CABLES1: variants seen among roughly 807,000 people sequenced by gnomAD.
CABLES1 encodes the protein Cdk5 and Abl enzyme substrate 1, also known as CDK5 and ABL1 enzyme substrate 1.
Under a neutral mutation model 57.8 loss-of-function variants are expected in CABLES1, and 36 were observed. The ratio of observed to expected loss-of-function variants is 0.62; its 90% CI spans 0.48 to 0.82. CABLES1 has a LOEUF of 0.82. Ranked by LOEUF, CABLES1 falls within the 40% of genes least tolerant of loss-of-function variation. CABLES1 has a pLI of 0.00. For missense variants in CABLES1, 767 were observed against 836.6 expected, an observed-to-expected ratio of 0.92 and a Z score of 1.03; for synonymous variants, 374 against 363.0, an observed-to-expected ratio of 1.03 and a Z score of -0.35.
intron 1 of CABLES1, among the ~76,000 whole-genome samples, chr18:23,161,754 C>CACAAA (rs2047006379): frequency 3.0e-5 from 1 of 33,156 alleles, no homozygotes; most frequent in African/African-American, 7.5e-5. Context: ...ACTAAAAATC[C>CACAAA]AAAAAAAAAA....
chr18:23,161,945 C>G (rs1261550949), intron 1 of CABLES1, among the ~76,000 whole-genome samples: 1 of 151,104 alleles, frequency 6.6e-6, no homozygotes, highest in African/African-American at 2.4e-5. Context: ...GCGGGTGGAT[C>G]ACCTGAGGTC....
chr18:23,164,001 A>G (rs2047023471), intron 1 of CABLES1, among the ~76,000 whole-genome samples: 1 of 152,192 alleles, frequency 6.6e-6, no homozygotes, highest in Non-Finnish European at 1.5e-5. Flanking sequence ...AGCTTATCAA[A>G]AATCCCAGCA....
chr18:23,256,029 G>A (rs2048156722), intron 9 of CABLES1, among the ~76,000 whole-genome samples: 1 of 152,214 alleles, frequency 6.6e-6, no homozygotes, highest in Non-Finnish European at 1.5e-5. Flanking sequence ...TACATGGGGT[G>A]AGGCCTTCCT....
chr18:23,174,262 C>T lies in CABLES1; in HGVS notation c.846-14576C>T, dbSNP rs536754817. On this transcript the variant is annotated intron_variant, in intron 1 of 9. Transcript: ENST00000256925. ...GGCTTAACATAATGTTTTCAAGGTT[C>T]ATGTTGTAGCATGTATCAGTACTTC... Among the ~76,000 whole-genome samples the T allele has an allele frequency of 9.2e-5, 14 of 152,276 alleles. No homozygotes were observed. The South Asian group carries it at 2.9e-3, about 32-fold the overall frequency.
At chr18:23,175,765 T>C (rs1244748691) in intron 1 of CABLES1, among the ~76,000 whole-genome samples, 1 of 152,210 alleles carries the variant, frequency 6.6e-6, no homozygotes, top group Non-Finnish European at 1.5e-5. Flanking sequence ...GCTTTTAAGG[T>C]ACACCCTTGT....
Position 23,167,902 on chromosome 18 carries a change from C to T in CABLES1, c.846-20936C>T, listed in dbSNP as rs1396672801. Among the ~76,000 whole-genome samples the T allele has an allele frequency of 3.9e-5, 6 of 152,230 alleles. No homozygotes were observed. In the South Asian group the frequency reaches 6.2e-4, roughly 16 times the overall value. On this transcript the variant is annotated intron_variant, in intron 1 of 9. Transcript: ENST00000256925. ...AGGAGACAGGGCATGCAGGCGCTCG[C>T]GCCCTTCGGTTCATGCACACGCTTA...
At chr18:23,234,793 TGAGGTG>T (rs961138221) in intron 5 of CABLES1, 89 bp downstream of exon 5, 1 of 1,060,294 alleles carries the variant, frequency 9.4e-7, no homozygotes, top group Non-Finnish European at 1.4e-6. Context: ...AAGCCTCTCT[TGAGGTG>T]GAGGACTCGA....
intron 4 of CABLES1, among the ~76,000 whole-genome samples, chr18:23,227,189 T>C (rs1400570631): frequency 3.3e-5 from 5 of 152,214 alleles, no homozygotes; most frequent in Admixed American, 6.5e-5. Context: ...CAGCGTCTTC[T>C]ATTCTTAGAG....
chr18:23,253,766 TGTGGCCTTGAGGAGCCCACG>T lies in CABLES1; in HGVS notation c.1598_1617del (p.Leu533HisfsTer7). ...GATGCGGAAGCTTGCGCAGGAGGAC[TGTGGCCTTGAGGAGCCCACG>T]GTGGCCATGGCCTTCGTCTACTTTG... On this transcript the variant is annotated frameshift_variant, in exon 9 of 10. Coordinates refer to ENST00000256925, the MANE Select transcript of CABLES1 (RefSeq NM_001100619.3). LOFTEE classifies it high-confidence loss of function. 2 of 1,614,228 alleles carry T rather than the reference TGTGGCCTTGAGGAGCCCACG, an allele frequency of 1.2e-6. No individual in the cohort carries two copies. Among genetic ancestry groups the T allele is most frequent in the Non-Finnish European group, 1.7e-6 (2 of 1,180,036 alleles).
At chr18:23,210,741 C>T (rs1331087137) in intron 3 of CABLES1, among the ~76,000 whole-genome samples, 3 of 152,174 alleles carry the variant, frequency 2.0e-5, no homozygotes, top group African/African-American at 7.2e-5. Context: ...GCCAGAACTA[C>T]TTCAGGAAAC....
chr18:23,153,425 CACA>C (rs1261938953), intron 1 of CABLES1, among the ~76,000 whole-genome samples: 5 of 151,682 alleles, frequency 3.3e-5, no homozygotes. Flanking sequence ...TAATTTTGAA[CACA>C]ACAATTTAAA....
At chr18:23,184,276 T>G (rs1204458394) in intron 1 of CABLES1, among the ~76,000 whole-genome samples, 1 of 151,974 alleles carries the variant, frequency 6.6e-6, no homozygotes, top group Non-Finnish European at 1.5e-5. Context: ...GAAGTGCCCA[T>G]GCGTGCTAAT....
intron 1 of CABLES1, among the ~76,000 whole-genome samples, chr18:23,137,934 A>G (rs1363838605): frequency 2.0e-5 from 3 of 152,166 alleles, no homozygotes; most frequent in Non-Finnish European, 4.4e-5. Context: ...TTGTCAGAGC[A>G]TGCATCTCCC....
At chr18:23,160,170 T>G (rs1340426873) in intron 1 of CABLES1, among the ~76,000 whole-genome samples, 1 of 151,946 alleles carries the variant, frequency 6.6e-6, no homozygotes, top group African/African-American at 2.4e-5. Context: ...CCCGAGTAGC[T>G]GGGATTACAG....
chr18:23,181,844 C>CTG (rs1255136736), intron 1 of CABLES1, among the ~76,000 whole-genome samples: 4 of 152,212 alleles, frequency 2.6e-5, no homozygotes, highest in African/African-American at 9.7e-5. Flanking sequence ...TGTCTTGTGA[C>CTG]TGTGTTAATA....
At chr18:23,204,183 A>G (rs1351245678) in intron 3 of CABLES1, among the ~76,000 whole-genome samples, 1 of 152,206 alleles carries the variant, frequency 6.6e-6, no homozygotes, top group Admixed American at 6.5e-5. Context: ...GCTGGCATGC[A>G]GGGCAGTCAC....
intron 1 of CABLES1, among the ~76,000 whole-genome samples, chr18:23,162,989 CG>C (rs1232529465): frequency 6.6e-6 from 1 of 152,108 alleles, no homozygotes; most frequent in African/African-American, 2.4e-5. Flanking sequence ...GCAGGAGAGA[CG>C]ATGGCAGCTT....
At position 23,135,789 on chromosome 18, in the gene CABLES1, C is replaced by T. The variant is rs995342705; in HGVS notation, c.27C>T (p.Thr9=). 19 of 979,698 alleles carry T rather than the reference C, an allele frequency of 1.9e-5. No individual in the cohort carries two copies. In the African/African-American group the frequency reaches 2.6e-4, roughly 14 times the overall value. The allele number at this position is 979,698 out of a possible 1,614,324, so 60.7% of individuals were successfully genotyped here. Residue 9 remains threonine (T), a synonymous_variant, in exon 1 of 10, where the codon ACC becomes ACT. Coordinates refer to ENST00000256925, the MANE Select transcript of CABLES1 (RefSeq NM_001100619.3). ...TGGCGGCGGCGGCGGCGGCCGCCAC[C>T]ACGGCCGCCTGCAGCAGCGGCAGCG... MAAAAAAA[T]TAACSSGSAG...
intron 2 of CABLES1, among the ~76,000 whole-genome samples, chr18:23,191,749 A>G (rs1173189865): frequency 6.6e-6 from 1 of 152,072 alleles, no homozygotes; most frequent in Non-Finnish European, 1.5e-5. Context: ...TTTTAAATGG[A>G]TGTTTACACG....
Sources: allele counts gnomAD v4.1 joint callset (sites outside exome capture counted in the v4.1 genomes callset), GRCh38; gene constraint gnomAD v4.1.1; transcripts MANE v1.5; gene names NCBI Gene and HGNC (gene_info 2026-07-23, HGNC 2026-07-21).